Variants in DENND5A observed in about 807,000 individuals in gnomAD.
DENND5A encodes DENN domain containing 5A, also known as DENN domain-containing protein 5A.
In DENND5A, 64 loss-of-function variants were observed where a neutral mutation model predicts 140.3. That is an observed-to-expected ratio of 0.46 (90% CI 0.37 to 0.56). The LOEUF (loss-of-function observed/expected upper bound fraction) is 0.56, where lower values mean the gene tolerates loss of function less well. Ranked by LOEUF, DENND5A falls within the 20% of genes least tolerant of loss-of-function variation. DENND5A has a pLI of 0.00. For synonymous variants in DENND5A, 605 were observed against 607.7 expected (o/e 1.00, Z 0.07); for missense variants, 1,292 against 1,593.8 (o/e 0.81, Z 3.22).
chr11:9,142,750 G>A lies in DENND5A; in HGVS notation c.3483C>T (p.Phe1161=). 6.2e-7 allele frequency: 1 copy of A among 1,614,136 alleles called. No individual in the cohort carries two copies. The highest frequency in any genetic ancestry group is 1.1e-5 in the South Asian group (1 of 91,082). ...GGAAATCCCAAATGAAGACATTTTT[G>A]AAGAGCCGGGGCGATTTAAATCCAT... ...FQHGFKSPRL[F]KNVFIWDFLE... The change falls in exon 21 of 23, where the codon TTC becomes TTT. Residue 1161 remains phenylalanine, a synonymous_variant. Transcript: ENST00000328194.
At chr11:9,202,868 C>T (rs1849568493) in intron 4 of DENND5A, among the ~76,000 whole-genome samples, 2 of 152,228 alleles carry the variant, frequency 1.3e-5, no homozygotes, top group South Asian at 2.1e-4. Context: ...CACCCTATTA[C>T]AAACTGGAAC....
intron 1 of DENND5A, among the ~76,000 whole-genome samples, chr11:9,219,571 A>G (rs535301450): frequency 1.5e-4 from 23 of 152,394 alleles, no homozygotes; most frequent in African/African-American, 5.0e-4. Context: ...ATTAACAAAA[A>G]AAAACGACTT....
At chr11:9,167,410 A>T (rs1848226709) in intron 10 of DENND5A, among the ~76,000 whole-genome samples, 1 of 150,076 alleles carries the variant, frequency 6.7e-6, no homozygotes, top group African/African-American at 2.5e-5. Flanking sequence ...TACACACCAA[A>T]CTTTAGATCC....
At chr11:9,187,950 G>A (rs552337345) in intron 5 of DENND5A, among the ~76,000 whole-genome samples, 1 of 152,168 alleles carries the variant, frequency 6.6e-6, no homozygotes, top group African/African-American at 2.4e-5. Context: ...TGTCCCTCTG[G>A]AGAAAGTCCT....
chr11:9,163,803 C>CAAAAAAAA, intron 11 of DENND5A, among the ~76,000 whole-genome samples: 1 of 46,220 alleles, frequency 2.2e-5, no homozygotes, highest in Non-Finnish European at 4.5e-5. Flanking sequence ...GACTCCATCT[C>CAAAAAAAA]AAAAAAAAAA....
intron 1 of DENND5A, among the ~76,000 whole-genome samples, chr11:9,259,307 T>G (rs1004124529): frequency 6.7e-6 from 1 of 150,082 alleles, no homozygotes; most frequent in Non-Finnish European, 1.5e-5. Flanking sequence ...GCCTGTAATC[T>G]CAGCACTTTG....
rs1255403755 is a variant in DENND5A, at chr11:9,180,899, A to G, written c.1323T>C (p.Ser441=). The G allele has an allele frequency of 1.2e-6, 2 of 1,614,230 alleles. No homozygotes were observed. The highest frequency in any genetic ancestry group is 2.2e-5 in the South Asian group (2 of 91,084). ...SASKLKRLRA[S]ELVSDKRNGN... ...CATTCCTCTTGTCCGAGACAAGCTCAGAGGCCCGCAGCCTCTTCAGCTTGG... is the reference window on the plus strand; with the variant it reads ...CATTCCTCTTGTCCGAGACAAGCTCGGAGGCCCGCAGCCTCTTCAGCTTGG... Residue 441 remains serine (S), a synonymous_variant, in exon 6 of 23, where the codon TCT becomes TCC. Coordinates refer to ENST00000328194, the MANE Select transcript of DENND5A (RefSeq NM_015213.4).
chr11:9,178,060 A>G lies in DENND5A; in HGVS notation c.1906+72T>C, dbSNP rs866640856. On this transcript the variant is annotated intron_variant, in intron 8 of 22. Coordinates refer to ENST00000328194, the MANE Select transcript of DENND5A (RefSeq NM_015213.4). Reference sequence around the variant, plus strand: ...GGCAGAAACAGATAAAGAGGCTGGCATATTTAGGAAAAGGGACATGTTAAT... The same window carrying G: ...GGCAGAAACAGATAAAGAGGCTGGCGTATTTAGGAAAAGGGACATGTTAAT... 1.9e-5 allele frequency: 19 copies of G among 1,026,886 alleles called. No individual in the cohort carries two copies. The African/African-American group carries it at 2.4e-4, about 13-fold the overall frequency. The allele number at this position is 1,026,886 out of a possible 1,614,324, so 63.6% of individuals were successfully genotyped here.
At chr11:9,245,014 G>C (rs997297037) in intron 1 of DENND5A, among the ~76,000 whole-genome samples, 1 of 151,610 alleles carries the variant, frequency 6.6e-6, no homozygotes. Context: ...GCCGGGTGCG[G>C]TGGCTCATGC....
At chr11:9,256,522 T>C (rs984833028) in intron 1 of DENND5A, among the ~76,000 whole-genome samples, 7 of 152,186 alleles carry the variant, frequency 4.6e-5, no homozygotes, top group African/African-American at 1.7e-4. Context: ...AAATAAAATG[T>C]TGTATATTCA....
intron 1 of DENND5A, among the ~76,000 whole-genome samples, chr11:9,254,547 G>A (rs776406962): frequency 6.6e-6 from 1 of 152,148 alleles, no homozygotes; most frequent in Non-Finnish European, 1.5e-5. Context: ...TCTGAGATAA[G>A]CCATAAGATT....
At chr11:9,191,113 G>A (rs867404210) in intron 5 of DENND5A, among the ~76,000 whole-genome samples, 53 of 152,218 alleles carry the variant, frequency 3.5e-4, no homozygotes, top group African/African-American at 1.2e-3. Flanking sequence ...CAGACTACAG[G>A]GGAGCCAGAA....
At position 9,147,057 on chromosome 11, in the gene DENND5A, A is replaced by G. The variant is rs747889548; in HGVS notation, c.2830T>C (p.Cys944Arg). The change falls in exon 16 of 23, where the codon TGC becomes CGC. Residue 944 changes from cysteine (C) to arginine (R), a missense_variant. Around this residue, in one of 4 missense-constraint regions of DENND5A, gnomAD observed 498 missense variants for 689.7 expected, o/e 0.72. Coordinates refer to ENST00000328194, the MANE Select transcript of DENND5A (RefSeq NM_015213.4). Reference sequence around the variant, plus strand: ...ATAGTTGTGAAGACATTGGTGAAGCAAAAGTAATCGACGGCATTGAAAGAC... The same window carrying G: ...ATAGTTGTGAAGACATTGGTGAAGCGAAAGTAATCGACGGCATTGAAAGAC... Reference protein sequence around the residue: ...LLSFNAVDYFCFTNVFTTILI... With the variant: ...LLSFNAVDYFRFTNVFTTILI... 5 of 1,614,224 alleles carry G rather than the reference A, an allele frequency of 3.1e-6. No individual in the cohort carries two copies. Among genetic ancestry groups the G allele is most frequent in the Non-Finnish European group, 4.2e-6 (5 of 1,180,022 alleles).
At chr11:9,143,330 A>C in intron 20 of DENND5A, 73 bp downstream of exon 20, 1 of 1,319,422 alleles carries the variant, frequency 7.6e-7, no homozygotes, top group Admixed American at 1.7e-5. Flanking sequence ...GAGCATAACA[A>C]GATAATCGGA....
chr11:9,245,800 AT>A (rs1851448115), intron 1 of DENND5A, among the ~76,000 whole-genome samples: 1 of 151,720 alleles, frequency 6.6e-6, no homozygotes, highest in Non-Finnish European at 1.5e-5. Flanking sequence ...CGCTCAGCTA[AT>A]TTTTGTATTC....
In DENND5A at chr11:9,221,955, C is replaced by T. The variant is rs574964414; in HGVS notation, c.110-14323G>A. Among the ~76,000 whole-genome samples, 34 of 152,052 alleles carry T rather than the reference C, an allele frequency of 2.2e-4. 1 individual carries two copies. In the South Asian group the frequency reaches 6.4e-3, roughly 29 times the overall value. On this transcript the variant is annotated intron_variant, in intron 1 of 22. Coordinates refer to ENST00000328194, the MANE Select transcript of DENND5A (RefSeq NM_015213.4). ...TATATTTTTAGTAGAGATGAGGTTT[C>T]ACAGTGTTGGCCAGGATGGTCTTGA...
chr11:9,233,752 C>T (rs192475338), intron 1 of DENND5A, among the ~76,000 whole-genome samples: 1 of 152,232 alleles, frequency 6.6e-6, no homozygotes, highest in Admixed American at 6.5e-5. Context: ...AATTATTCTC[C>T]CCAAGAGCCT....
intron 22 of DENND5A, 84 bp from the exon 23 acceptor site, chr11:9,139,938 C>T (rs1466653739): frequency 5.1e-6 from 7 of 1,367,212 alleles, no homozygotes; most frequent in South Asian, 3.9e-5. Flanking sequence ...AAGGGGGAAA[C>T]CATGAACTAA....
chr11:9,139,974 C>T (rs7396705), intron 22 of DENND5A, 120 bp from the exon 23 acceptor site: 435,538 of 1,066,766 alleles, frequency 0.41, 93,859 homozygotes, highest in African/African-American at 0.65. Context: ...AGCTGACAGC[C>T]CCCCACACCC....
Sources: gnomAD v4.1 joint callset for allele counts (sites outside exome capture counted in the v4.1 genomes callset) on GRCh38, gnomAD v4.1.1 for gene constraint, gnomAD v4.1.1 regional missense constraint, MANE v1.5 for transcripts, NCBI Gene and HGNC (gene_info 2026-07-23, HGNC 2026-07-21) for gene names.